RAB6A: variants seen among roughly 807,000 people sequenced by gnomAD.
RAB6A encodes the protein ras-related protein Rab-6A.
RAB6A carries 8 observed loss-of-function variants against 32.3 expected under a neutral mutation model. The ratio of observed to expected loss-of-function variants is 0.25; its 90% CI spans 0.15 to 0.45. The LOEUF (loss-of-function observed/expected upper bound fraction) is 0.45. RAB6A is among the 20% of genes least tolerant of loss of function. RAB6A has a pLI of 1.00. For missense variants in RAB6A, 104 were observed against 249.4 expected, an observed-to-expected ratio of 0.42 and a Z score of 3.93; for synonymous variants, 73 against 82.1, an observed-to-expected ratio of 0.89 and a Z score of 0.60.
chr11:73,680,056 C>T lies in RAB6A; in HGVS notation c.496-336G>A, dbSNP rs571716772. ...GAGGCTGCAGGGAGCTGAGATCACG[C>T]CACTGCACTCCAGCCCGGGCAACAG... On this transcript the variant is annotated intron_variant, in intron 6 of 7. Transcript: ENST00000336083. Among the ~76,000 whole-genome samples the T allele has an allele frequency of 5.9e-5, 9 of 152,272 alleles. No individual in the cohort carries two copies. The South Asian group carries it at 1.9e-3, about 32-fold the overall frequency.
intron 1 of RAB6A, among the ~76,000 whole-genome samples, chr11:73,736,344 A>C (rs1344697972): frequency 1.3e-5 from 2 of 151,778 alleles, no homozygotes; most frequent in Non-Finnish European, 2.9e-5. Context: ...CAGGGAAATC[A>C]CTTGAACCCG....
At chr11:73,726,606 A>AAAAAG (rs1946226929) in intron 2 of RAB6A, among the ~76,000 whole-genome samples, 1 of 146,130 alleles carries the variant, frequency 6.8e-6, no homozygotes, top group Admixed American at 6.9e-5. Context: ...AAAAAAAAAA[A>AAAAAG]GGCATAGTGG....
chr11:73,730,679 C>A, intron 2 of RAB6A, 86 bp downstream of exon 2: 1 of 1,071,512 alleles, frequency 9.3e-7, no homozygotes, highest in South Asian at 1.4e-5. Context: ...ACATCCACAA[C>A]TGCAAGTAAA....
chr11:73,748,784 G>T (rs960803701), intron 1 of RAB6A, among the ~76,000 whole-genome samples: 9 of 152,042 alleles, frequency 5.9e-5, no homozygotes, highest in Non-Finnish European at 7.4e-5. Flanking sequence ...GTCTATTTCT[G>T]AATCCTCCTT....
chr11:73,722,635 T>C (rs767926927), intron 2 of RAB6A: 1 of 151,740 alleles, frequency 6.6e-6, no homozygotes, highest in Admixed American at 6.6e-5. Flanking sequence ...ACACCCTGCC[T>C]AAAGATAATA....
chr11:73,722,112 C>G (rs1946141761), intron 2 of RAB6A, among the ~76,000 whole-genome samples: 1 of 143,384 alleles, frequency 7.0e-6, no homozygotes, highest in African/African-American at 2.5e-5. Context: ...TATTAAACCT[C>G]TTTCCTTTAT....
chr11:73,728,375 G>T (rs923221196), intron 2 of RAB6A, among the ~76,000 whole-genome samples: 11 of 152,004 alleles, frequency 7.2e-5, no homozygotes. Context: ...GCTGGATTTT[G>T]TCAAATGCTT....
At chr11:73,730,080 C>G (rs1329045424) in intron 2 of RAB6A, 1 of 152,220 alleles carries the variant, frequency 6.6e-6, no homozygotes, top group Admixed American at 6.5e-5. Context: ...TTTTCAATGG[C>G]AATCATCTCC....
intron 5 of RAB6A, among the ~76,000 whole-genome samples, chr11:73,710,144 T>C (rs1402084693): frequency 2.0e-5 from 3 of 148,738 alleles, no homozygotes. Flanking sequence ...GTTTTTTTTT[T>C]TTTAGCAGAG....
chr11:73,721,019 G>C, intron 2 of RAB6A, 120 bp from the exon 3 acceptor site: 1 of 767,366 alleles, frequency 1.3e-6, no homozygotes, highest in South Asian at 1.6e-5. Flanking sequence ...ATACAACATA[G>C]TCAATTAAGG....
intron 1 of RAB6A, among the ~76,000 whole-genome samples, chr11:73,758,407 A>T (rs1161812695): frequency 1.3e-5 from 2 of 150,548 alleles, no homozygotes; most frequent in Non-Finnish European, 2.9e-5. Flanking sequence ...TGTTGATAAC[A>T]GGGGAAACTA....
chr11:73,686,536 CAG>C (rs918923743), intron 6 of RAB6A, among the ~76,000 whole-genome samples: 17 of 152,076 alleles, frequency 1.1e-4, no homozygotes, highest in African/African-American at 3.9e-4. Context: ...GCCTAGATGA[CAG>C]AGTGAGACTC....
At position 73,748,243 on chromosome 11, in the gene RAB6A, T is replaced by C. The variant is rs367629839; in HGVS notation, c.70+12323A>G. 6.6e-5 allele frequency among the ~76,000 whole-genome samples: 10 copies of C among 152,330 alleles called. No homozygotes were observed. In the East Asian group the frequency reaches 9.6e-4, roughly 15 times the overall value. ...TCATGGATATTTTAATTCTCTAATA[T>C]AGAGATCCTGAAATATTAAGCTCAA... On this transcript the variant is annotated intron_variant, in intron 1 of 7. Coordinates refer to ENST00000336083, the MANE Select transcript of RAB6A (RefSeq NM_198896.2).
chr11:73,732,188 C>T (rs1946326118), intron 1 of RAB6A, among the ~76,000 whole-genome samples: 1 of 151,990 alleles, frequency 6.6e-6, no homozygotes, highest in Non-Finnish European at 1.5e-5. Context: ...TTGACACAGA[C>T]TCAAAATACA....
chr11:73,718,925 A>G, intron 3 of RAB6A: 2 of 1,531,408 alleles, frequency 1.3e-6, no homozygotes, highest in Non-Finnish European at 1.8e-6. Flanking sequence ...AAAAAAAAAA[A>G]ACCAAACTAA....
intron 1 of RAB6A, among the ~76,000 whole-genome samples, chr11:73,735,686 G>T (rs1342922814): frequency 1.3e-5 from 2 of 151,892 alleles, no homozygotes; most frequent in Non-Finnish European, 2.9e-5. Flanking sequence ...AATCTTATTT[G>T]GAAAGAAATA....
chr11:73,718,743 G>A, intron 3 of RAB6A, 25 bp from the exon 4 acceptor site: 4 of 1,613,780 alleles, frequency 2.5e-6, no homozygotes, highest in Non-Finnish European at 3.4e-6. Flanking sequence ...AGTCAAACAA[G>A]CAAGAAAAAT....
At chr11:73,732,631 C>T (rs544586902) in intron 1 of RAB6A, among the ~76,000 whole-genome samples, 8 of 152,014 alleles carry the variant, frequency 5.3e-5, no homozygotes, top group South Asian at 4.2e-4. Context: ...TGGGGGAGTG[C>T]GCCTTGTAAA....
At chr11:73,759,550 TCTA>T (rs1946810175) in intron 1 of RAB6A, among the ~76,000 whole-genome samples, 2 of 152,192 alleles carry the variant, frequency 1.3e-5, no homozygotes, top group South Asian at 4.1e-4. Flanking sequence ...CTGTTCCTAC[TCTA>T]CTCCATTTTC....
Sources: gnomAD v4.1 joint callset for allele counts (sites outside exome capture counted in the v4.1 genomes callset) on GRCh38, gnomAD v4.1.1 for gene constraint, MANE v1.5 for transcripts, NCBI Gene and HGNC (gene_info 2026-07-23, HGNC 2026-07-21) for gene names.